The following WAC variants were observed in gnomAD, a reference collection of about 807,000 sequenced individuals.
WAC encodes the protein WW domain-containing adapter protein with coiled-coil.
In WAC, 11 loss-of-function variants were observed where a neutral mutation model predicts 79.6. That is an observed-to-expected ratio of 0.14 (90% CI 0.09 to 0.23). The LOEUF (loss-of-function observed/expected upper bound fraction) is 0.23. Ranked by LOEUF, WAC falls within the 10% of genes least tolerant of loss-of-function variation. The pLI, the probability that WAC is intolerant of heterozygous loss-of-function variation, is 1.00. For missense variants in WAC, 728 were observed against 773.5 expected (o/e 0.94, Z 0.70); for synonymous variants, 304 against 276.9 (o/e 1.10, Z -0.97).
At chr10:28,555,485 C>G (rs1162792072) in intron 3 of WAC, among the ~76,000 whole-genome samples, 1 of 151,798 alleles carries the variant, frequency 6.6e-6, no homozygotes, top group Non-Finnish European at 1.5e-5. Flanking sequence ...CCACTGCAAC[C>G]AGGTCTTGGG....
intron 4 of WAC, among the ~76,000 whole-genome samples, chr10:28,585,934 C>T (rs1265221555): frequency 6.6e-6 from 1 of 152,106 alleles, no homozygotes; most frequent in Non-Finnish European, 1.5e-5. Context: ...TGATTCAAAT[C>T]ATAAGGGTGT....
intron 1 of WAC, 99 bp downstream of exon 1, chr10:28,533,719 G>C: frequency 7.5e-7 from 1 of 1,331,522 alleles, no homozygotes; most frequent in Non-Finnish European, 1.0e-6. Context: ...CATTTTTGTT[G>C]TTAACCCTGA....
In WAC at chr10:28,583,399, G is replaced by A; in HGVS notation, c.275G>A (p.Gly92Glu). Residue 92 changes from glycine (G) to glutamate (E), a missense_variant and splice_region_variant, in exon 4 of 14, where the codon GGG (glycine) becomes GAG (glutamate). Around this residue, in one of 3 missense-constraint regions of WAC, gnomAD observed 648 missense variants for 661.5 expected, o/e 0.98. Transcript: ENST00000354911. ...HTHRVRERDGGTSYSPQENSH... is the reference protein window; with the variant it reads ...HTHRVRERDGETSYSPQENSH... Reference sequence around the variant, plus strand: ...TCACTTTGTTCTTTATTTTTTTAAGGGACCAGTTACTCTCCACAAGAAAAT... The same window carrying A: ...TCACTTTGTTCTTTATTTTTTTAAGAGACCAGTTACTCTCCACAAGAAAAT... The A allele has an allele frequency of 6.4e-7, 1 of 1,563,874 alleles. No homozygotes were observed.
At chr10:28,587,422 AT>A (rs1839876171) in intron 4 of WAC, among the ~76,000 whole-genome samples, 3 of 152,220 alleles carry the variant, frequency 2.0e-5, no homozygotes, top group South Asian at 2.1e-4. Context: ...GAAGAAAAAA[AT>A]AATCATGTTA....
intron 12 of WAC, among the ~76,000 whole-genome samples, chr10:28,617,118 G>A (rs895617808): frequency 1.3e-5 from 2 of 152,090 alleles, no homozygotes; most frequent in Non-Finnish European, 2.9e-5. Flanking sequence ...AATTTTCTAT[G>A]ACTCTCTCAC....
intron 3 of WAC, among the ~76,000 whole-genome samples, chr10:28,544,179 A>G: frequency 6.6e-6 from 1 of 152,150 alleles, no homozygotes; most frequent in South Asian, 2.1e-4. Flanking sequence ...CACTGAGCCC[A>G]CTTCTTTCCA....
chr10:28,608,594 C>A (rs1841074234), intron 8 of WAC, 163 bp downstream of exon 8: 18 of 723,198 alleles, frequency 2.5e-5, no homozygotes, highest in South Asian at 4.0e-5. Context: ...AAATTTATAT[C>A]CACTGTAGTT....
At chr10:28,534,443 C>G (rs1836499571) in intron 2 of WAC, 1 of 175,428 alleles carries the variant, frequency 5.7e-6, no homozygotes. Flanking sequence ...GGGTAAATAG[C>G]TAAATGACTT....
intron 3 of WAC, among the ~76,000 whole-genome samples, chr10:28,569,608 A>G (rs371279225): frequency 3.3e-5 from 5 of 152,290 alleles, no homozygotes; most frequent in East Asian, 1.9e-4. Flanking sequence ...TAATCTCTGA[A>G]TGTTTGAAAC....
intron 3 of WAC, among the ~76,000 whole-genome samples, chr10:28,547,593 A>G (rs1018013970): frequency 6.6e-5 from 10 of 151,712 alleles, no homozygotes; most frequent in African/African-American, 1.9e-4. Context: ...GACTTTGCAC[A>G]TTGGGAAATG....
chr10:28,547,835 G>C (rs1837438605), intron 3 of WAC, among the ~76,000 whole-genome samples: 1 of 149,940 alleles, frequency 6.7e-6, no homozygotes, highest in African/African-American at 2.5e-5. Context: ...ATCTCACTTT[G>C]TAAGTGTAGG....
At chr10:28,603,011 G>A (rs977274689) in intron 7 of WAC, among the ~76,000 whole-genome samples, 3 of 152,182 alleles carry the variant, frequency 2.0e-5, no homozygotes, top group African/African-American at 7.2e-5. Context: ...GTGAAGGAAA[G>A]TTTAAAATAG....
intron 7 of WAC, among the ~76,000 whole-genome samples, chr10:28,603,370 T>C (rs1228448634): frequency 6.6e-6 from 1 of 152,206 alleles, no homozygotes; most frequent in Non-Finnish European, 1.5e-5. Flanking sequence ...GTTTCCTTAA[T>C]GCTTGGAAAA....
At chr10:28,586,586 T>C (rs887333744) in intron 4 of WAC, among the ~76,000 whole-genome samples, 2 of 152,138 alleles carry the variant, frequency 1.3e-5, no homozygotes, top group Non-Finnish European at 2.9e-5. Flanking sequence ...CTTGGAAGGC[T>C]GAAGCAAAGG....
rs922941687 is a variant in WAC at position 28,533,761 on chromosome 10, CGCGGGCGGGCGG to C, written c.41+147_41+158del. On this transcript the variant is annotated intron_variant, in intron 1 of 13. Transcript: ENST00000354911. The stretch of plus-strand genomic sequence containing the variant: ...TCGGGTTGGGGAGGAGGAGCGGCCG[CGCGGGCGGGCGG>C]GCGGGAACGCAGTGTGGCGGGGAGC... 6.5e-6 allele frequency: 5 copies of C among 774,922 alleles called. No individual in the cohort carries two copies. The African/African-American group carries it at 7.6e-5, about 12-fold the overall frequency. The allele number at this position is 774,922 out of a possible 1,614,324, so 48.0% of individuals were successfully genotyped here. A position where few individuals can be genotyped will look rare whatever the true frequency, so the allele number is the denominator to read the frequency against.
At chr10:28,580,574 GATTT>G in intron 3 of WAC, among the ~76,000 whole-genome samples, 1 of 152,086 alleles carries the variant, frequency 6.6e-6, no homozygotes, top group Non-Finnish European at 1.5e-5. Flanking sequence ...ATTACTCTGG[GATTT>G]ATTTCAGTCA....
intron 8 of WAC, among the ~76,000 whole-genome samples, chr10:28,608,945 T>C (rs1444278793): frequency 2.0e-5 from 3 of 152,208 alleles, no homozygotes; most frequent in Non-Finnish European, 2.9e-5. Context: ...TCCTGGTGAA[T>C]TGCATTATTT....
chr10:28,610,782 A>G lies in WAC; in HGVS notation c.1249A>G (p.Thr417Ala). 6.2e-7 allele frequency: 1 copy of G among 1,612,264 alleles called. No individual in the cohort carries two copies. Residue 417 changes from threonine to alanine, a missense_variant, in exon 9 of 14, where the codon ACG (threonine) becomes GCG (alanine). Thr to Ala is a moderately conservative substitution (Grantham distance 58). Transcript: ENST00000354911. ...TGCTGGACCATCTGCTTTCAACATAACGTCTCTGATTTCTCAAGCTGCTCA... is the reference window on the plus strand; with the variant it reads ...TGCTGGACCATCTGCTTTCAACATAGCGTCTCTGATTTCTCAAGCTGCTCA... The part of the protein sequence containing the change: ...LTAGPSAFNI[T>A]SLISQAAQLS...
chr10:28,571,603 T>C (rs1265614926), intron 3 of WAC, among the ~76,000 whole-genome samples: 1 of 152,268 alleles, frequency 6.6e-6, no homozygotes, highest in Non-Finnish European at 1.5e-5. Flanking sequence ...TGCCTTACTT[T>C]ACTATCTTAA....
Sources: allele counts gnomAD v4.1 joint callset (sites outside exome capture counted in the v4.1 genomes callset), GRCh38; gene constraint gnomAD v4.1.1; regional missense constraint gnomAD v4.1.1; transcripts MANE v1.5; gene names NCBI Gene and HGNC (gene_info 2026-07-23, HGNC 2026-07-21).